Variants in LCMT1 observed in about 807,000 individuals in gnomAD.
The protein encoded by LCMT1 is [Phosphatase 2A protein]-leucine-carboxy methyltransferase 1.
LCMT1 carries 32 observed loss-of-function variants against 47.7 expected under a neutral mutation model. The ratio of observed to expected loss-of-function variants is 0.67; its 90% CI spans 0.51 to 0.90. LCMT1 has a LOEUF of 0.90. Ranked by LOEUF, LCMT1 falls within the 40% of genes least tolerant of loss-of-function variation. LCMT1 has a pLI of 0.00. For missense variants in LCMT1, 375 were observed against 415.2 expected (o/e 0.90, Z 0.84); for synonymous variants, 152 against 149.7 (o/e 1.02, Z -0.11).
Position 25,174,828 on chromosome 16 carries a change from T to C in LCMT1, c.885-109T>C, listed in dbSNP as rs1274653500. ...CATAATTACTATTTTATAGCCGCCT[T>C]CTTTCCACTTAATCTATCATAAACA... On this transcript the variant is annotated intron_variant, in intron 9 of 10. Transcript: ENST00000399069. The C allele has an allele frequency of 1.5e-5, 7 of 466,872 alleles. No homozygotes were observed. In the South Asian group the frequency reaches 2.1e-4, roughly 14 times the overall value. The allele number at this position is 466,872 out of a possible 1,614,324, so 28.9% of individuals were successfully genotyped here.
In LCMT1 at chr16:25,134,383, G is replaced by A. The variant is rs984756446; in HGVS notation, c.327+1860G>A. Among the ~76,000 whole-genome samples the A allele has an allele frequency of 3.3e-5, 5 of 152,156 alleles. No individual in the cohort carries two copies. The East Asian group carries it at 7.7e-4, about 23-fold the overall frequency. On this transcript the variant is annotated intron_variant, in intron 3 of 10. Coordinates refer to ENST00000399069, the MANE Select transcript of LCMT1 (RefSeq NM_016309.3). ...CATATATGACCTCATGAATTAACAC[G>A]AGAACTCTGTAAGGGTGTTTTACAC...
chr16:25,168,510 G>A (rs910032713), intron 7 of LCMT1, among the ~76,000 whole-genome samples: 1 of 152,144 alleles, frequency 6.6e-6, no homozygotes, highest in African/African-American at 2.4e-5. Flanking sequence ...ATAGAACAGG[G>A]TAGACAAGGA....
intron 5 of LCMT1, chr16:25,158,797 C>A (rs1248124563): frequency 6.6e-6 from 1 of 152,166 alleles, no homozygotes; most frequent in African/African-American, 2.4e-5. Context: ...CTTGAGTAGC[C>A]CCTGACTTAA....
intron 5 of LCMT1, among the ~76,000 whole-genome samples, chr16:25,153,319 G>A (rs1198334671): frequency 6.6e-6 from 1 of 152,238 alleles, no homozygotes; most frequent in East Asian, 1.9e-4. Flanking sequence ...AAAGAACAGA[G>A]ACTTAGTACA....
At chr16:25,164,830 C>T (rs1272499889) in intron 7 of LCMT1, 112 bp downstream of exon 7, 1 of 1,382,062 alleles carries the variant, frequency 7.2e-7, no homozygotes, top group Non-Finnish European at 1.0e-6. Flanking sequence ...CCTCCAGCCT[C>T]TCACATATCT....
In LCMT1 at chr16:25,111,792, G is replaced by C. The variant is rs1959615683; in HGVS notation, c.-92G>C. ...AGGTAGGGCCCTACCCTCTTCTGTT[G>C]CTTTCTCCCTGTGGCTCGCGCCGTC... On this transcript the variant is annotated 5_prime_UTR_variant, in exon 1 of 11. Coordinates refer to ENST00000399069, the MANE Select transcript of LCMT1 (RefSeq NM_016309.3). The C allele has an allele frequency of 3.5e-6, 3 of 861,332 alleles. No homozygotes were observed. Among genetic ancestry groups the C allele is most frequent in the South Asian group, 2.9e-5 (2 of 69,074 alleles). The allele number at this position is 861,332 out of a possible 1,614,324, so 53.4% of individuals were successfully genotyped here.
intron 1 of LCMT1, among the ~76,000 whole-genome samples, chr16:25,117,058 C>T (rs891844): frequency 0.013 from 1,993 of 152,152 alleles, 53 homozygotes; most frequent in African/African-American, 0.046. Flanking sequence ...GGCAGTGAAT[C>T]GTGGAAGGTC....
At chr16:25,157,187 G>A (rs917423913) in intron 5 of LCMT1, among the ~76,000 whole-genome samples, 12 of 152,008 alleles carry the variant, frequency 7.9e-5, no homozygotes, top group Admixed American at 6.6e-5. Flanking sequence ...TTTAACTACT[G>A]TGTTACATTG....
At chr16:25,131,491 T>G (rs1406196808) in intron 2 of LCMT1, among the ~76,000 whole-genome samples, 1 of 152,178 alleles carries the variant, frequency 6.6e-6, no homozygotes, top group Non-Finnish European at 1.5e-5. Flanking sequence ...AAAATGAAAA[T>G]GACATACAAT....
chr16:25,129,918 A>G (rs542754750), intron 2 of LCMT1, among the ~76,000 whole-genome samples: 2 of 152,260 alleles, frequency 1.3e-5, no homozygotes, highest in African/African-American at 4.8e-5. Context: ...TGGGTCTTTT[A>G]CAGCTTTGTT....
chr16:25,176,420 G>C (rs1052950072), intron 10 of LCMT1, among the ~76,000 whole-genome samples: 2 of 152,018 alleles, frequency 1.3e-5, no homozygotes, highest in Admixed American at 6.6e-5. Flanking sequence ...AAAAATTCCA[G>C]GTTGACATGA....
Sources: gnomAD v4.1 joint callset for allele counts (sites outside exome capture counted in the v4.1 genomes callset) on GRCh38, gnomAD v4.1.1 for gene constraint, MANE v1.5 for transcripts, NCBI Gene and HGNC (gene_info 2026-07-23, HGNC 2026-07-21) for gene names.